PUM2: variants seen among roughly 807,000 people sequenced by gnomAD.
PUM2 encodes the protein pumilio homolog 2.
Under a neutral mutation model 124.5 loss-of-function variants are expected in PUM2, and 57 were observed. The observed-to-expected ratio is 0.46, with a 90% confidence interval of 0.37 to 0.57. PUM2 has a LOEUF of 0.57. Ranked by LOEUF, PUM2 falls within the 20% of genes least tolerant of loss-of-function variation. The probability of loss-of-function intolerance (pLI) is 0.00; values close to 1 mark genes in which losing one functional copy is unlikely to be tolerated. For synonymous variants in PUM2, 460 were observed against 446.1 expected, an observed-to-expected ratio of 1.03 and a Z score of -0.39; for missense variants, 1,065 against 1,290.6, an observed-to-expected ratio of 0.83 and a Z score of 2.68.
chr2:20,267,322 G>A (rs1325775425), intron 13 of PUM2, among the ~76,000 whole-genome samples: 1 of 152,100 alleles, frequency 6.6e-6, no homozygotes, highest in Non-Finnish European at 1.5e-5. Context: ...CACCACGCTG[G>A]CCCACTTGCA....
intron 1 of PUM2, 197 bp downstream of exon 1, chr2:20,350,400 C>T (rs1038917160): frequency 9.3e-6 from 8 of 861,334 alleles, no homozygotes; most frequent in Non-Finnish European, 1.1e-5. Flanking sequence ...CTCCCCCGCA[C>T]GCGCACACCC....
chr2:20,292,130 G>C (rs1674278370), intron 9 of PUM2, among the ~76,000 whole-genome samples: 1 of 150,766 alleles, frequency 6.6e-6, no homozygotes, highest in South Asian at 2.1e-4. Flanking sequence ...TGCATGAGCT[G>C]CATCATGCTG....
chr2:20,326,283 T>C (rs1683651899), intron 2 of PUM2: 1 of 1,303,938 alleles, frequency 7.7e-7, no homozygotes, highest in Non-Finnish European at 1.0e-6. Flanking sequence ...CCTCTGAAAA[T>C]GACATACTCT....
chr2:20,293,627 T>C (rs1181097397), intron 9 of PUM2, among the ~76,000 whole-genome samples: 1 of 152,080 alleles, frequency 6.6e-6, no homozygotes, highest in Non-Finnish European at 1.5e-5. Flanking sequence ...TAAGAGTCAC[T>C]TGAACCTGGG....
In PUM2 at chr2:20,328,290, AT is replaced by A. The variant is rs374013085; in HGVS notation, c.-18-913del. Among the ~76,000 whole-genome samples the A allele has an allele frequency of 3.0e-4, 46 of 152,342 alleles. 1 individual carries two copies. The East Asian group carries it at 3.7e-3, about 12-fold the overall frequency. On this transcript the variant is annotated intron_variant, in intron 1 of 20. Coordinates refer to ENST00000361078, the MANE Select transcript of PUM2 (RefSeq NM_015317.5). ...GGTTACAATGAGCCAAAATCGTGCC[AT>A]TGCACTCCAGCCTGGGCATCGCAGA...
chr2:20,298,834 G>T (rs932553547), intron 7 of PUM2, among the ~76,000 whole-genome samples: 1 of 152,146 alleles, frequency 6.6e-6, no homozygotes, highest in Non-Finnish European at 1.5e-5. Context: ...GCGAGACTCC[G>T]TCTCAGAATA....
chr2:20,263,158 G>A, intron 14 of PUM2, 35 bp downstream of exon 14: 1 of 1,535,450 alleles, frequency 6.5e-7, no homozygotes. Flanking sequence ...AATTTTCAAA[G>A]CAAAAATGAA....
intron 2 of PUM2, among the ~76,000 whole-genome samples, chr2:20,327,031 A>C (rs1235185564): frequency 1.3e-5 from 2 of 152,062 alleles, no homozygotes; most frequent in Admixed American, 6.6e-5. Context: ...TTTTCAAGCA[A>C]AGCTAATTAT....
intron 14 of PUM2, among the ~76,000 whole-genome samples, chr2:20,261,664 T>A (rs1428381579): frequency 6.6e-6 from 1 of 151,746 alleles, no homozygotes; most frequent in Non-Finnish European, 1.5e-5. Flanking sequence ...AGACATGGAG[T>A]TAGAACAAAG....
chr2:20,261,393 C>CAAAA (rs1666186737), intron 14 of PUM2, among the ~76,000 whole-genome samples: 1 of 13,004 alleles, frequency 7.7e-5, no homozygotes, highest in Non-Finnish European at 1.4e-4. Context: ...GACTCTGTCT[C>CAAAA]CAAAAAAAAA....
chr2:20,321,537 A>G (rs572565740), intron 2 of PUM2, among the ~76,000 whole-genome samples: 18 of 152,324 alleles, frequency 1.2e-4, no homozygotes, highest in East Asian at 7.7e-4. Flanking sequence ...TACTGACTCA[A>G]ATACTTTTAG....
At position 20,248,800 on chromosome 2, in the gene PUM2, A is replaced by G. The variant is rs1043419; in HGVS notation, c.*2785T>C. ...CTAATTTATACATAATATACAAAGA[A>G]GTGAAGTTAACATTATTTCATATGA... On this transcript the variant is annotated 3_prime_UTR_variant, in exon 21 of 21. Coordinates refer to ENST00000361078, the MANE Select transcript of PUM2 (RefSeq NM_015317.5). 0.12 allele frequency: 17,584 copies of G among 152,704 alleles called. 1,320 individuals carry two copies. Among genetic ancestry groups the G allele is most frequent in the South Asian group, 0.19 (938 of 4,824 alleles). 9.5% of individuals were successfully genotyped at this position (152,704 alleles called of 1,614,324 possible). A position where few individuals can be genotyped will look rare whatever the true frequency, so the allele number is the denominator to read the frequency against.
chr2:20,306,942 G>A lies in PUM2; in HGVS notation c.883+1036C>T, dbSNP rs573597478. Among the ~76,000 whole-genome samples the A allele has an allele frequency of 3.9e-4, 59 of 151,910 alleles. 1 individual carries two copies. The highest frequency in any genetic ancestry group is 1.4e-3 in the African/African-American group (57 of 41,470). ...TGAAAACAAAAAATAGGCCAGACGC[G>A]GTGGCTCACACCTGCAATCCCAGCA... On this transcript the variant is annotated intron_variant, in intron 7 of 20. Coordinates refer to ENST00000361078, the MANE Select transcript of PUM2 (RefSeq NM_015317.5).
intron 7 of PUM2, among the ~76,000 whole-genome samples, chr2:20,299,682 A>G (rs1676489616): frequency 3.3e-5 from 5 of 152,080 alleles, no homozygotes; most frequent in Admixed American, 2.6e-4. Flanking sequence ...ATAAATAACA[A>G]CAACATGGTT....
In PUM2 at chr2:20,290,642, A is replaced by G; in HGVS notation, c.1291+10T>C. On this transcript the variant is annotated intron_variant, in intron 10 of 20. Coordinates refer to ENST00000361078, the MANE Select transcript of PUM2 (RefSeq NM_015317.5). ...TCTATTCAAATTTCCACAAATGACC[A>G]ATTGTATACCTGGCATGCCAGTAGC... 1 of 1,596,790 alleles carries G rather than the reference A, an allele frequency of 6.3e-7. No homozygotes were observed. Among genetic ancestry groups the G allele is most frequent in the East Asian group, 2.2e-5 (1 of 44,520 alleles).
chr2:20,267,013 A>T (rs1337765331), intron 13 of PUM2, among the ~76,000 whole-genome samples: 2 of 150,810 alleles, frequency 1.3e-5, no homozygotes, highest in African/African-American at 4.9e-5. Context: ...AGTAAGGGAC[A>T]TCATGCCTGT....
At chr2:20,336,681 T>TTGTGTGTG (rs113658730) in intron 1 of PUM2, among the ~76,000 whole-genome samples, 7,716 of 131,526 alleles carry the variant, frequency 0.059, 328 homozygotes, top group Middle Eastern at 0.12. Flanking sequence ...CCTGGCTAAT[T>TTGTGTGTG]TGTGTGTGTG....
intron 1 of PUM2, among the ~76,000 whole-genome samples, chr2:20,332,124 T>C (rs1685042420): frequency 6.6e-6 from 1 of 152,238 alleles, no homozygotes; most frequent in Non-Finnish European, 1.5e-5. Context: ...TGGGTCAGAT[T>C]TGGCCTGCAG....
intron 7 of PUM2, among the ~76,000 whole-genome samples, chr2:20,301,397 T>C (rs779296783): frequency 5.3e-5 from 8 of 152,220 alleles, no homozygotes; most frequent in Non-Finnish European, 1.2e-4. Flanking sequence ...AAAAGATTGT[T>C]ATTAAAAATT....
Sources: allele counts gnomAD v4.1 joint callset (sites outside exome capture counted in the v4.1 genomes callset), GRCh38; gene constraint gnomAD v4.1.1; transcripts MANE v1.5; gene names NCBI Gene and HGNC (gene_info 2026-07-23, HGNC 2026-07-21).